Variants in EFNB2 observed in about 807,000 individuals in gnomAD.
EFNB2 encodes the protein ephrin-B2.
A neutral mutation model predicts 32.1 loss-of-function variants in EFNB2; 5 were observed. The observed-to-expected ratio is 0.16, with a 90% CI of 0.08 to 0.33. The LOEUF (loss-of-function observed/expected upper bound fraction) is 0.33, where lower values mean the gene tolerates loss of function less well. Ranked by LOEUF, EFNB2 falls within the 10% of genes least tolerant of loss-of-function variation. EFNB2 has a pLI of 1.00. For missense variants in EFNB2, 263 were observed against 422.6 expected, an observed-to-expected ratio of 0.62 and a Z score of 3.31; for synonymous variants, 168 against 166.5, an observed-to-expected ratio of 1.01 and a Z score of -0.07.
chr13:106,532,670 G>A (rs1361468558), intron 1 of EFNB2, among the ~76,000 whole-genome samples: 5 of 152,170 alleles, frequency 3.3e-5, no homozygotes, highest in Non-Finnish European at 7.3e-5. Flanking sequence ...ATCCAGGCAG[G>A]CCGTTATCAG....
intron 2 of EFNB2, among the ~76,000 whole-genome samples, chr13:106,507,926 A>G (rs1278208592): frequency 6.6e-6 from 1 of 152,256 alleles, no homozygotes; most frequent in African/African-American, 2.4e-5. Flanking sequence ...CGCTTCATTA[A>G]TACGGTTTTC....
At chr13:106,517,335 C>T (rs1431777869) in intron 1 of EFNB2, 1 of 152,148 alleles carries the variant, frequency 6.6e-6, no homozygotes, top group African/African-American at 2.4e-5. Context: ...GGAGGCTGTT[C>T]TTGTTAAACT....
intron 1 of EFNB2, chr13:106,516,389 CT>C (rs1879312958): frequency 6.6e-6 from 1 of 152,304 alleles, no homozygotes; most frequent in South Asian, 2.1e-4. Flanking sequence ...ACAAACACAG[CT>C]GCTTTTGAGC....
chr13:106,501,623 C>T (rs1017460979), intron 2 of EFNB2, among the ~76,000 whole-genome samples: 10 of 150,520 alleles, frequency 6.6e-5, no homozygotes, highest in African/African-American at 2.0e-4. Context: ...GACGGAGTCT[C>T]GCTCTGTCAC....
chr13:106,512,545 T>C lies in EFNB2; in HGVS notation c.390A>G (p.Lys130=), dbSNP rs543289075. The C allele has an allele frequency of 3.1e-6, 5 of 1,603,764 alleles. No individual in the cohort carries two copies. The South Asian group carries it at 5.6e-5, about 18-fold the overall frequency. Residue 130 remains lysine (K), a synonymous_variant, in exon 2 of 5, where the codon AAA becomes AAG. Coordinates refer to ENST00000646441, the MANE Select transcript of EFNB2 (RefSeq NM_004093.4). The part of the protein sequence containing the change: ...NLWGLEFQKN[K]DYYIISTSNG... ...TATACTTACATATAATGTAATAATC[T>C]TTGTTCTTCTGAAATTCTAGACCCC...
At chr13:106,531,065 T>TG (rs1296994672) in intron 1 of EFNB2, among the ~76,000 whole-genome samples, 1 of 152,224 alleles carries the variant, frequency 6.6e-6, no homozygotes, top group African/African-American at 2.4e-5. Flanking sequence ...CTGGAAATGT[T>TG]GGAGTCATCT....
chr13:106,510,694 T>C (rs1448089791), intron 2 of EFNB2, among the ~76,000 whole-genome samples: 1 of 151,062 alleles, frequency 6.6e-6, no homozygotes. Context: ...TAACAGTAGC[T>C]TTCACTGAAA....
rs929128658 is a variant in EFNB2, at chr13:106,491,439, A to G, written c.*1601T>C. 6.6e-5 allele frequency: 10 copies of G among 152,566 alleles called. No homozygotes were observed. The highest frequency in any genetic ancestry group is 5.2e-4 in the Admixed American group (8 of 15,284). 9.5% of individuals were successfully genotyped at this position (152,566 alleles called of 1,614,324 possible). Reference sequence around the variant, plus strand: ...CACTTAATTGCCACAAATGAATTTCACATCTTCTGGTGTGTACTGTGTGCA... The same window carrying G: ...CACTTAATTGCCACAAATGAATTTCGCATCTTCTGGTGTGTACTGTGTGCA... On this transcript the variant is annotated 3_prime_UTR_variant, in exon 5 of 5. Coordinates refer to ENST00000646441, the MANE Select transcript of EFNB2 (RefSeq NM_004093.4).
At chr13:106,531,765 G>A (rs560012092) in intron 1 of EFNB2, among the ~76,000 whole-genome samples, 2 of 137,056 alleles carry the variant, frequency 1.5e-5, no homozygotes, top group South Asian at 4.7e-4. Context: ...TATTATATAG[G>A]GAAAAAATTA....
chr13:106,535,153 C>A lies in EFNB2; in HGVS notation c.-189G>T. The A allele has an allele frequency of 4.5e-6, 2 of 445,702 alleles. No homozygotes were observed. Among genetic ancestry groups the A allele is most frequent in the Admixed American group, 5.8e-5 (1 of 17,296 alleles). 27.6% of individuals were successfully genotyped at this position (445,702 alleles called of 1,614,324 possible). A position where few individuals can be genotyped will look rare whatever the true frequency, so the allele number is the denominator to read the frequency against. On this transcript the variant is annotated 5_prime_UTR_variant, in exon 1 of 5. Coordinates refer to ENST00000646441, the MANE Select transcript of EFNB2 (RefSeq NM_004093.4). ...CGCTCGCTCTCCGGGGCCCTCAGGG[C>A]GCGGGGCGGGAGCGCACGCGCGGGG...
At chr13:106,505,296 T>C (rs982799189) in intron 2 of EFNB2, among the ~76,000 whole-genome samples, 12 of 152,204 alleles carry the variant, frequency 7.9e-5, no homozygotes, top group Non-Finnish European at 1.2e-4. Context: ...TGCACTTAGA[T>C]GTTTGGACCC....
chr13:106,492,899 G>A lies in EFNB2; in HGVS notation c.*141C>T. The A allele has an allele frequency of 8.7e-7, 1 of 1,143,744 alleles. No individual in the cohort carries two copies. Among genetic ancestry groups the A allele is most frequent in the Non-Finnish European group, 1.2e-6 (1 of 820,282 alleles). The allele number at this position is 1,143,744 out of a possible 1,614,324, so 70.8% of individuals were successfully genotyped here. A position where few individuals can be genotyped will look rare whatever the true frequency, so the allele number is the denominator to read the frequency against. On this transcript the variant is annotated 3_prime_UTR_variant, in exon 5 of 5. Coordinates refer to ENST00000646441, the MANE Select transcript of EFNB2 (RefSeq NM_004093.4). The surrounding 1 kb of genome is among the most constrained non-coding windows in gnomAD (Gnocchi z 5.1). ...ACTAGGTAAGCTGTCCAGCGCGACG[G>A]GCTCTTCCGAGGAGGAGTGTCCCTC...
At chr13:106,512,393 G>GA in intron 2 of EFNB2, 136 bp downstream of exon 2, 1 of 317,748 alleles carries the variant, frequency 3.1e-6, no homozygotes, top group Non-Finnish European at 4.4e-6. Context: ...AAAAAAAAAA[G>GA]GGGGGGGGGA....
At chr13:106,525,693 T>C (rs1441135586) in intron 1 of EFNB2, among the ~76,000 whole-genome samples, 2 of 152,190 alleles carry the variant, frequency 1.3e-5, no homozygotes, top group Non-Finnish European at 2.9e-5. Flanking sequence ...TGCCATTCCC[T>C]TCTTCTGTGT....
intron 1 of EFNB2, among the ~76,000 whole-genome samples, chr13:106,522,283 G>C: frequency 6.6e-6 from 1 of 152,186 alleles, no homozygotes; most frequent in East Asian, 1.9e-4. Flanking sequence ...TGCACTGCAG[G>C]CTTCTTTCCC....
chr13:106,493,283 C>T lies in EFNB2; in HGVS notation c.759G>A (p.Arg253=), dbSNP rs139199261. 80 of 1,614,030 alleles carry T rather than the reference C, an allele frequency of 5.0e-5. No homozygotes were observed. The highest frequency in any genetic ancestry group is 6.1e-5 in the Non-Finnish European group (72 of 1,180,028). Residue 253 remains arginine, a synonymous_variant, in exon 5 of 5, where the codon CGG becomes CGA. Coordinates refer to ENST00000646441, the MANE Select transcript of EFNB2 (RefSeq NM_004093.4). The surrounding 1 kb of genome is among the most constrained non-coding windows in gnomAD (Gnocchi z 6.1). ...ITLVVLLLKY[R]RRHRKHSPQH... The stretch of plus-strand genomic sequence containing the variant: ...GCGGCGAGTGCTTCCTGTGTCTCCT[C>T]CGGTACTTCAGCAAGAGGACCACCA...
chr13:106,489,938 G>A lies in EFNB2; in HGVS notation c.*3102C>T, dbSNP rs1878343556. The A allele has an allele frequency of 1.3e-5, 2 of 152,524 alleles. No homozygotes were observed. Among genetic ancestry groups the A allele is most frequent in the Admixed American group, 6.6e-5 (1 of 15,260 alleles). The allele number at this position is 152,524 out of a possible 1,614,324, so 9.4% of individuals were successfully genotyped here. On this transcript the variant is annotated 3_prime_UTR_variant, in exon 5 of 5. Transcript: ENST00000646441. ...ATATTTATAACTCAGGCATAATACT[G>A]TGTTACTTACAAATTGGACAACGAA...
chr13:106,506,867 C>A (rs1166662627), intron 2 of EFNB2, among the ~76,000 whole-genome samples: 2 of 152,172 alleles, frequency 1.3e-5, no homozygotes, highest in East Asian at 3.9e-4. Flanking sequence ...GAGACTGAGG[C>A]AGACAGGGGT....
At position 106,490,531 on chromosome 13, in the gene EFNB2, C is replaced by G. The variant is rs1267792766; in HGVS notation, c.*2509G>C. 6.6e-6 allele frequency: 1 copy of G among 152,094 alleles called. No individual in the cohort carries two copies. The highest frequency in any genetic ancestry group is 2.4e-5 in the African/African-American group (1 of 41,404). The allele number at this position is 152,094 out of a possible 1,614,324, so 9.4% of individuals were successfully genotyped here. ...AGTTTAGCATAGAACCAAAACGTAG[C>G]CAACTGATGATACATACATTTGATT... On this transcript the variant is annotated 3_prime_UTR_variant, in exon 5 of 5. Coordinates refer to ENST00000646441, the MANE Select transcript of EFNB2 (RefSeq NM_004093.4).
Sources: gnomAD v4.1 joint callset for allele counts (sites outside exome capture counted in the v4.1 genomes callset) on GRCh38, gnomAD v4.1.1 for gene constraint, Gnocchi (gnomAD v3.1) non-coding constraint, MANE v1.5 for transcripts, NCBI Gene and HGNC (gene_info 2026-07-23, HGNC 2026-07-21) for gene names.